Variants in ZER1 observed in about 807,000 individuals in gnomAD.
ZER1 encodes the protein protein zer-1 homolog.
Under a neutral mutation model 78.8 loss-of-function variants are expected in ZER1, and 11 were observed. The observed-to-expected ratio is 0.14, with a 90% confidence interval of 0.09 to 0.23. The LOEUF is 0.23. ZER1 is among the 10% of genes least tolerant of loss of function. The pLI is 1.00. For missense variants in ZER1, 588 were observed against 996.9 expected (o/e 0.59, Z 5.52); for synonymous variants, 400 against 407.0 (o/e 0.98, Z 0.21).
Position 128,755,306 on chromosome 9 carries a change from C to G in ZER1, c.158+102G>C. The G allele has an allele frequency of 6.7e-7, 1 of 1,500,544 alleles. No homozygotes were observed. The highest frequency in any genetic ancestry group is 9.1e-7 in the Non-Finnish European group (1 of 1,093,344). 93.0% of individuals were successfully genotyped at this position (1,500,544 alleles called of 1,614,324 possible). A position where few individuals can be genotyped will look rare whatever the true frequency, so the allele number is the denominator to read the frequency against. On this transcript the variant is annotated intron_variant, in intron 2 of 15. Coordinates refer to ENST00000291900, the MANE Select transcript of ZER1 (RefSeq NM_006336.4). This position sits in a 1 kb window ranked among gnomAD's most constrained non-coding sequence, Gnocchi z 5.6. ...GCACACACACACACCCTCACACATT[C>G]ATCTCCATAGCTACTCCCCACATAG...
At chr9:128,761,196 A>G (rs1864034128) in intron 1 of ZER1, among the ~76,000 whole-genome samples, 1 of 151,406 alleles carries the variant, frequency 6.6e-6, no homozygotes, top group Non-Finnish European at 1.5e-5. Flanking sequence ...AATAATCTCT[A>G]CTTCACAGGG....
intron 8 of ZER1, among the ~76,000 whole-genome samples, chr9:128,750,066 G>A (rs913380431): frequency 2.0e-5 from 3 of 152,142 alleles, no homozygotes; most frequent in East Asian, 1.9e-4. Flanking sequence ...AATTGTTGGC[G>A]GATAAGGGAG....
Position 128,735,443 on chromosome 9 carries a change from G to T in ZER1, c.2043-12C>A, listed in dbSNP as rs1207728801. ...TTGGTTCAAATGACCTGCAGGAAAAGAAATCAAGGTCACTGTGGATGCTGA... is the reference window on the plus strand; with the variant it reads ...TTGGTTCAAATGACCTGCAGGAAAATAAATCAAGGTCACTGTGGATGCTGA... On this transcript the variant is annotated splice_polypyrimidine_tract_variant and intron_variant, in intron 13 of 15. Transcript: ENST00000291900. The T allele has an allele frequency of 6.2e-7, 1 of 1,612,046 alleles. No individual in the cohort carries two copies. The highest frequency in any genetic ancestry group is 1.7e-5 in the Admixed American group (1 of 59,744).
At position 128,739,797 on chromosome 9, in the gene ZER1, A is replaced by C. The variant is rs1863227973; in HGVS notation, c.2042+134T>G. 4.5e-6 allele frequency: 5 copies of C among 1,110,850 alleles called. No homozygotes were observed. In the South Asian group the frequency reaches 6.3e-5, roughly 14 times the overall value. The allele number at this position is 1,110,850 out of a possible 1,614,324, so 68.8% of individuals were successfully genotyped here. A position where few individuals can be genotyped will look rare whatever the true frequency, so the allele number is the denominator to read the frequency against. On this transcript the variant is annotated intron_variant, in intron 13 of 15. Transcript: ENST00000291900. ...CTGTGCTGTGTGCGGCTACGTATCA[A>C]TGAGTGAAAGCAGAACCCTACAGAA...
At chr9:128,733,252 T>C in intron 15 of ZER1, 174 bp downstream of exon 15, 1 of 544,884 alleles carries the variant, frequency 1.8e-6, no homozygotes, top group African/African-American at 1.9e-5. Flanking sequence ...CACAATGTGG[T>C]CGAGATGACA....
chr9:128,745,441 A>G (rs1467929702), intron 8 of ZER1, among the ~76,000 whole-genome samples: 1 of 151,790 alleles, frequency 6.6e-6, no homozygotes, highest in African/African-American at 2.4e-5. Flanking sequence ...GGCTCGCTGC[A>G]ACCACCTTCC....
In ZER1 at chr9:128,730,523, G is replaced by A. The variant is rs1358476639; in HGVS notation, c.*814C>T. ...AGAAGATGCTAGCTTCCAGGGCTGA[G>A]GGCAGGTTCTGGATGTGTTTGGCAG... On this transcript the variant is annotated 3_prime_UTR_variant, in exon 16 of 16. Transcript: ENST00000291900. The A allele has an allele frequency of 6.5e-6, 1 of 153,036 alleles. No homozygotes were observed. The highest frequency in any genetic ancestry group is 1.5e-5 in the Non-Finnish European group (1 of 68,304). 9.5% of individuals were successfully genotyped at this position (153,036 alleles called of 1,614,324 possible).
In ZER1 at chr9:128,753,618, T is replaced by A; in HGVS notation, c.310-18A>T. The A allele has an allele frequency of 6.2e-7, 1 of 1,608,976 alleles. No homozygotes were observed. The highest frequency in any genetic ancestry group is 8.5e-7 in the Non-Finnish European group (1 of 1,177,516). On this transcript the variant is annotated intron_variant, in intron 3 of 15. Transcript: ENST00000291900. The surrounding 1 kb of genome is among the most constrained non-coding windows in gnomAD (Gnocchi z 7.5). ...ACCAGGTCCTGGGAGTGGGCACAGC[T>A]CCATCATCATCACCACCCTTGCCCC...
intron 10 of ZER1, 72 bp from the exon 11 acceptor site, chr9:128,741,726 C>A: frequency 6.2e-7 from 1 of 1,613,988 alleles, no homozygotes; most frequent in South Asian, 1.1e-5. Flanking sequence ...AAAACACAGA[C>A]CTCCCCCAGG....
rs1261103502 is a variant in ZER1 at position 128,741,854 on chromosome 9, A to G, written c.1576-13T>C. On this transcript the variant is annotated splice_polypyrimidine_tract_variant and intron_variant, in intron 9 of 15. Coordinates refer to ENST00000291900, the MANE Select transcript of ZER1 (RefSeq NM_006336.4). ...GCTTCAGCATGGTCTGCAGGCAGGG[A>G]CAAGAGTCTGCTAGAGTGCTGGGGC... 20 of 1,614,190 alleles carry G rather than the reference A, an allele frequency of 1.2e-5. No homozygotes were observed. The highest frequency in any genetic ancestry group is 1.7e-5 in the Non-Finnish European group (20 of 1,180,016).
At chr9:128,767,242 CTAT>C in intron 1 of ZER1, among the ~76,000 whole-genome samples, 1 of 151,144 alleles carries the variant, frequency 6.6e-6, no homozygotes, top group African/African-American at 2.4e-5. Context: ...TGCGGTCGGC[CTAT>C]TTATTTATTT....
intron 13 of ZER1, among the ~76,000 whole-genome samples, chr9:128,738,899 T>C (rs1200308187): frequency 7.0e-6 from 1 of 143,028 alleles, no homozygotes; most frequent in Non-Finnish European, 1.5e-5. Flanking sequence ...TTGCCCAGGC[T>C]GGAATGCAGT....
chr9:128,741,910 T>A (rs982139344), intron 9 of ZER1, 69 bp from the exon 10 acceptor site: 1 of 1,604,304 alleles, frequency 6.2e-7, no homozygotes. Context: ...GAACCCAAGA[T>A]GGAGGGGAGG....
chr9:128,762,159 T>C (rs1197236031), intron 1 of ZER1, among the ~76,000 whole-genome samples: 1 of 152,138 alleles, frequency 6.6e-6, no homozygotes, highest in African/African-American at 2.4e-5. Context: ...TGGTGTATTT[T>C]ACGTGTCGCC....
chr9:128,765,469 A>C (rs1316099159), intron 1 of ZER1, among the ~76,000 whole-genome samples: 3 of 152,224 alleles, frequency 2.0e-5, no homozygotes, highest in Non-Finnish European at 4.4e-5. Flanking sequence ...GTGGGATGCA[A>C]ACCTAAAGCA....
In ZER1 at chr9:128,741,829, G is replaced by A. The variant is rs766100063; in HGVS notation, c.1588C>T (p.Leu530=). 6.2e-7 allele frequency: 1 copy of A among 1,614,238 alleles called. No homozygotes were observed. Among genetic ancestry groups the A allele is most frequent in the South Asian group, 1.1e-5 (1 of 91,088 alleles). ...KMGFVVTMLK[L]IQKKLLDKTC... ...TTGTCCAGCAGCTTCTTCTGAATCA[G>A]CTTCAGCATGGTCTGCAGGCAGGGA... is the stretch of plus-strand genomic sequence containing the variant. The change falls in exon 10 of 16, where the codon CTG becomes TTG. Residue 530 remains leucine (L), a synonymous_variant. Coordinates refer to ENST00000291900, the MANE Select transcript of ZER1 (RefSeq NM_006336.4).
intron 15 of ZER1, 158 bp downstream of exon 15, chr9:128,733,268 A>G (rs1004163618): frequency 2.1e-5 from 12 of 559,028 alleles, no homozygotes; most frequent in Non-Finnish European, 1.3e-5. Flanking sequence ...TGACATTTGG[A>G]GAGGCCCCAG....
chr9:128,762,413 G>A (rs1864079400), intron 1 of ZER1, among the ~76,000 whole-genome samples: 1 of 152,190 alleles, frequency 6.6e-6, no homozygotes, highest in Admixed American at 6.5e-5. Flanking sequence ...GACTGTGTGT[G>A]GATGGGCTGT....
intron 15 of ZER1, 47 bp from the exon 16 acceptor site, chr9:128,731,441 G>GGGGTTGGGGGGGGC: frequency 5.7e-6 from 4 of 704,906 alleles, no homozygotes; most frequent in East Asian, 6.2e-5. Flanking sequence ...CTTGGGTGGG[G>GGGGTTGGGGGGGGC]GTGAGCCCAG....
Sources: gnomAD v4.1 joint callset for allele counts (sites outside exome capture counted in the v4.1 genomes callset) on GRCh38, gnomAD v4.1.1 for gene constraint, Gnocchi (gnomAD v3.1) non-coding constraint, MANE v1.5 for transcripts, NCBI Gene and HGNC (gene_info 2026-07-23, HGNC 2026-07-21) for gene names.